RCAN2: variants seen among roughly 807,000 people sequenced by gnomAD.
RCAN2 encodes the protein regulator of calcineurin 2.
In RCAN2, 9 loss-of-function variants were observed where a neutral mutation model predicts 23.6. The observed-to-expected ratio is 0.38, with a 90% CI of 0.23 to 0.67. The LOEUF is 0.67. Ranked by LOEUF, RCAN2 falls within the 30% of genes least tolerant of loss-of-function variation. The pLI is 0.51. For missense variants in RCAN2, 273 were observed against 302.3 expected (o/e 0.90, Z 0.72); for synonymous variants, 109 against 115.7 (o/e 0.94, Z 0.37).
intron 2 of RCAN2, among the ~76,000 whole-genome samples, chr6:46,412,936 G>C (rs1387024589): frequency 6.6e-6 from 1 of 152,182 alleles, no homozygotes; most frequent in African/African-American, 2.4e-5. Context: ...AATTCACTTA[G>C]AGCCATGTGA....
intron 2 of RCAN2, among the ~76,000 whole-genome samples, chr6:46,446,598 T>C (rs1767716939): frequency 6.6e-6 from 1 of 152,184 alleles, no homozygotes; most frequent in South Asian, 2.1e-4. Context: ...CACTTATATC[T>C]TTAGTATGAA....
chr6:46,250,737 G>C (rs1004437948), intron 2 of RCAN2, among the ~76,000 whole-genome samples: 1 of 152,184 alleles, frequency 6.6e-6, no homozygotes, highest in African/African-American at 2.4e-5. Flanking sequence ...ATTTTAATAA[G>C]AGCATTTATA....
At chr6:46,362,022 G>A (rs1446345687) in intron 2 of RCAN2, among the ~76,000 whole-genome samples, 1 of 152,142 alleles carries the variant, frequency 6.6e-6, no homozygotes, top group African/African-American at 2.4e-5. Flanking sequence ...CTTTATTCAA[G>A]TCTTGGAATT....
chr6:46,282,983 T>C (rs1762250812), intron 2 of RCAN2, among the ~76,000 whole-genome samples: 1 of 152,164 alleles, frequency 6.6e-6, no homozygotes, highest in African/African-American at 2.4e-5. Context: ...GCACAGGTGA[T>C]GCTCAAAATA....
intron 4 of RCAN2, among the ~76,000 whole-genome samples, chr6:46,235,218 T>G (rs1582013147): frequency 6.6e-6 from 1 of 152,214 alleles, no homozygotes; most frequent in South Asian, 2.1e-4. Flanking sequence ...TTGAGATTCA[T>G]TATTTAGATT....
In RCAN2 at chr6:46,246,797, C is replaced by A. The variant is rs994125930; in HGVS notation, c.522G>T (p.Thr174=). The A allele has an allele frequency of 1.2e-6, 2 of 1,613,502 alleles. No homozygotes were observed. Among genetic ancestry groups the A allele is most frequent in the Non-Finnish European group, 1.7e-6 (2 of 1,179,752 alleles). ...PVGWQPINDA[T]PVLNYDLLYA... ...AGAGGAGGTCATAGTTGAGGACTGG[C>A]GTGGCATCGTTGATGGGCTGCCAGC... The change falls in exon 4 of 5, where the codon ACG becomes ACT. Residue 174 remains threonine, a synonymous_variant. Transcript: ENST00000371374.
intron 2 of RCAN2, among the ~76,000 whole-genome samples, chr6:46,297,295 G>A (rs933416975): frequency 6.6e-6 from 1 of 152,138 alleles, no homozygotes; most frequent in Non-Finnish European, 1.5e-5. Context: ...AGAAGATACA[G>A]CCTCTTGTCA....
chr6:46,457,381 G>A lies in RCAN2; in HGVS notation c.-2-403C>T, dbSNP rs1271418026. Among the ~76,000 whole-genome samples, 4 of 152,012 alleles carry A rather than the reference G, an allele frequency of 2.6e-5. No homozygotes were observed. In the East Asian group the frequency reaches 5.8e-4, roughly 22 times the overall value. ...TTTAATCTCCACAATAGTCTATAAG[G>A]TTGGTACCAATATTTTCCCCAATTT... On this transcript the variant is annotated intron_variant, in intron 1 of 4. Transcript: ENST00000371374.
At chr6:46,464,752 T>G (rs1226661947) in intron 1 of RCAN2, among the ~76,000 whole-genome samples, 1 of 152,164 alleles carries the variant, frequency 6.6e-6, no homozygotes, top group Non-Finnish European at 1.5e-5. Context: ...ACATGCAGTT[T>G]CCAACTCATA....
chr6:46,458,357 TGA>T, intron 1 of RCAN2, among the ~76,000 whole-genome samples: 1 of 152,256 alleles, frequency 6.6e-6, no homozygotes, highest in East Asian at 1.9e-4. Flanking sequence ...AAAGCCCCAA[TGA>T]GAGTTGGTAA....
In RCAN2 at chr6:46,484,654, A is replaced by G. The variant is rs111552235; in HGVS notation, c.-3+6519T>C. ...GTTAGCAGATCAGCAGGCTGTGATG[A>G]CAGCTGTCAGCAGTCAGGTCTCACT... On this transcript the variant is annotated intron_variant, in intron 1 of 4. Transcript: ENST00000371374. Among the ~76,000 whole-genome samples the G allele has an allele frequency of 7.1e-3, 1,084 of 152,348 alleles. 12 individuals carry two copies. Among genetic ancestry groups the G allele is most frequent in the African/African-American group, 0.025 (1,034 of 41,580 alleles).
chr6:46,324,270 G>A (rs1309159761), intron 2 of RCAN2, among the ~76,000 whole-genome samples: 1 of 152,160 alleles, frequency 6.6e-6, no homozygotes, highest in Non-Finnish European at 1.5e-5. Flanking sequence ...TAAATACAGG[G>A]CTACATGTTT....
intron 2 of RCAN2, among the ~76,000 whole-genome samples, chr6:46,320,979 T>C (rs1027120518): frequency 6.6e-6 from 1 of 152,146 alleles, no homozygotes; most frequent in Admixed American, 6.5e-5. Flanking sequence ...GGTTAAATAG[T>C]GCTGGTGGGG....
At chr6:46,412,165 T>C (rs1297486842) in intron 2 of RCAN2, among the ~76,000 whole-genome samples, 2 of 152,052 alleles carry the variant, frequency 1.3e-5, no homozygotes, top group Non-Finnish European at 1.5e-5. Flanking sequence ...GACTTGTATA[T>C]GGATTATATA....
chr6:46,265,500 C>T (rs980484277), intron 2 of RCAN2, among the ~76,000 whole-genome samples: 1 of 152,104 alleles, frequency 6.6e-6, no homozygotes. Flanking sequence ...GATGACTACA[C>T]AATGCGTTGT....
chr6:46,460,285 C>T (rs549890839), intron 1 of RCAN2, among the ~76,000 whole-genome samples: 1 of 152,292 alleles, frequency 6.6e-6, no homozygotes, highest in South Asian at 2.1e-4. Flanking sequence ...TGGTCTCCAA[C>T]TCCTAGCCTC....
rs147829115 is a variant in RCAN2, at chr6:46,340,438, C to T, written c.226-91542G>A. Among the ~76,000 whole-genome samples the T allele has an allele frequency of 1.7e-3, 253 of 152,338 alleles. 1 individual carries two copies. The highest frequency in any genetic ancestry group is 5.8e-3 in the African/African-American group (241 of 41,572). On this transcript the variant is annotated intron_variant, in intron 2 of 4. Coordinates refer to ENST00000371374, the MANE Select transcript of RCAN2 (RefSeq NM_001251974.2). ...TCAGGGCCCAGCTCTGGTGTGATCACGTGACTGAGTTCTGGCCAATGGAGT... is the reference window on the plus strand; with the variant it reads ...TCAGGGCCCAGCTCTGGTGTGATCATGTGACTGAGTTCTGGCCAATGGAGT...
intron 2 of RCAN2, among the ~76,000 whole-genome samples, chr6:46,277,475 T>C (rs1383554934): frequency 6.6e-6 from 1 of 151,898 alleles, no homozygotes; most frequent in African/African-American, 2.4e-5. Flanking sequence ...CCAGTTGGGG[T>C]GGGTGGTTGC....
At chr6:46,330,731 T>G (rs1763939966) in intron 2 of RCAN2, among the ~76,000 whole-genome samples, 1 of 152,222 alleles carries the variant, frequency 6.6e-6, no homozygotes, top group Non-Finnish European at 1.5e-5. Context: ...TCTTTTAATC[T>G]ATAGAGTTCT....
Sources: gnomAD v4.1 joint callset for allele counts (sites outside exome capture counted in the v4.1 genomes callset) on GRCh38, gnomAD v4.1.1 for gene constraint, MANE v1.5 for transcripts, NCBI Gene and HGNC (gene_info 2026-07-23, HGNC 2026-07-21) for gene names.